Variants in N4BP2L2 observed in about 807,000 individuals in gnomAD.
N4BP2L2 encodes NEDD4-binding protein 2-like 2.
N4BP2L2 carries 50 observed loss-of-function variants against 56.2 expected under a neutral mutation model. The ratio of observed to expected loss-of-function variants is 0.89; its 90% confidence interval spans 0.71 to 1.13. The LOEUF (loss-of-function observed/expected upper bound fraction) is 1.13. Ranked by LOEUF, N4BP2L2 falls within the 50% of genes most tolerant of loss-of-function variation. N4BP2L2 has a pLI of 0.00. For synonymous variants in N4BP2L2, 203 were observed against 223.6 expected, an observed-to-expected ratio of 0.91 and a Z score of 0.82; for missense variants, 689 against 693.8, an observed-to-expected ratio of 0.99 and a Z score of 0.08.
chr13:32,498,975 C>G (rs1593884867), intron 6 of N4BP2L2, among the ~76,000 whole-genome samples: 1 of 102,830 alleles, frequency 9.7e-6, no homozygotes, highest in Admixed American at 1.4e-4. Flanking sequence ...GGTGACAGAG[C>G]AAGACTCTGT....
intron 8 of N4BP2L2, among the ~76,000 whole-genome samples, chr13:32,437,832 A>G (rs1279221535): frequency 6.6e-6 from 1 of 152,208 alleles, no homozygotes; most frequent in Non-Finnish European, 1.5e-5. Context: ...ATTCCTCCAC[A>G]AAGTTAGGGA....
intron 6 of N4BP2L2, among the ~76,000 whole-genome samples, chr13:32,458,384 C>T (rs2079371855): frequency 6.6e-6 from 1 of 152,022 alleles, no homozygotes; most frequent in South Asian, 2.1e-4. Context: ...TTTTAAATTA[C>T]CCAATTACAT....
chr13:32,486,860 G>A lies in N4BP2L2; in HGVS notation c.365+30997C>T, dbSNP rs150746885. The stretch of plus-strand genomic sequence containing the variant: ...TAAAAATACAAAAAATTAGCCAGGC[G>A]TGGTGGCATGCACCTGTAGACCCAG... On this transcript the variant is annotated intron_variant, in intron 6 of 9. Coordinates refer to the N4BP2L2 transcript ENST00000357505. 5.6e-3 allele frequency among the ~76,000 whole-genome samples: 849 copies of A among 152,080 alleles called. 6 individuals carry two copies. Among genetic ancestry groups the A allele is most frequent in the African/African-American group, 0.019 (797 of 41,478 alleles).
chr13:32,507,980 G>A (rs2091218249), downstream of N4BP2L2: 1 of 152,054 alleles, frequency 6.6e-6, no homozygotes, highest in African/African-American at 2.4e-5. Context: ...TAAAATTCAA[G>A]GACCAAGAGG....
intron 8 of N4BP2L2, among the ~76,000 whole-genome samples, chr13:32,437,656 T>C (rs1207659225): frequency 6.6e-6 from 1 of 152,178 alleles, no homozygotes; most frequent in Non-Finnish European, 1.5e-5. Context: ...ATCACAACAA[T>C]AGGAAGGTGC....
chr13:32,490,378 C>T (rs965169932), intron 6 of N4BP2L2, among the ~76,000 whole-genome samples: 2 of 152,146 alleles, frequency 1.3e-5, no homozygotes, highest in African/African-American at 4.8e-5. Context: ...GATCTCGGCT[C>T]ACTGCAACCT....
exon 7 of N4BP2L2, chr13:32,443,482 T>C (rs756753856): frequency 6.2e-7 from 1 of 1,612,978 alleles, no homozygotes; most frequent in Non-Finnish European, 8.5e-7. Flanking sequence ...CACTTGTTCC[T>C]CTCTTAAAAC....
intron 6 of N4BP2L2, chr13:32,480,532 A>G (rs2084418305): frequency 1.0e-6 from 1 of 977,216 alleles, no homozygotes; most frequent in Admixed American, 2.8e-5. Flanking sequence ...ACATAATTTT[A>G]ATCTTAGAAA....
chr13:32,502,747 A>G (rs1350561366), intron 6 of N4BP2L2, among the ~76,000 whole-genome samples: 1 of 152,208 alleles, frequency 6.6e-6, no homozygotes, highest in Non-Finnish European at 1.5e-5. Flanking sequence ...AATCCCTGAT[A>G]CTTCTAAGGG....
intron 2 of N4BP2L2, 41 bp from the exon 3 acceptor site, chr13:32,527,573 C>T (rs751923113): frequency 6.3e-7 from 1 of 1,595,550 alleles, no homozygotes; most frequent in South Asian, 1.1e-5. Flanking sequence ...TTTACAAAAT[C>T]TATAACCATC....
intron 6 of N4BP2L2, among the ~76,000 whole-genome samples, chr13:32,485,322 A>C (rs1275985282): frequency 1.3e-5 from 2 of 152,196 alleles, no homozygotes; most frequent in Non-Finnish European, 2.9e-5. Context: ...CACACACACA[A>C]AAAAGCCCAG....
At chr13:32,500,153 C>T (rs1449544502) in intron 6 of N4BP2L2, among the ~76,000 whole-genome samples, 6 of 152,074 alleles carry the variant, frequency 3.9e-5, no homozygotes, top group Non-Finnish European at 2.9e-5. Flanking sequence ...ACCATAGGCT[C>T]GGTGCCTTAG....
In N4BP2L2 at chr13:32,488,933, C is replaced by T. The variant is rs200964384; in HGVS notation, c.365+28924G>A. 7.2e-5 allele frequency among the ~76,000 whole-genome samples: 11 copies of T among 152,276 alleles called. No individual in the cohort carries two copies. In the East Asian group the frequency reaches 2.1e-3, roughly 29 times the overall value. On this transcript the variant is annotated intron_variant, in intron 6 of 9. Transcript: ENST00000357505. ...AAACTTTGATTAACAAACATAAACT[C>T]ATGGTGGCACACACCTGCAATCTCA...
intron 2 of N4BP2L2, among the ~76,000 whole-genome samples, chr13:32,529,574 C>A (rs1358230968): frequency 2.0e-5 from 3 of 152,094 alleles, no homozygotes; most frequent in African/African-American, 7.2e-5. Context: ...TTGATTGTAA[C>A]TGATCATGTG....
intron 2 of N4BP2L2, among the ~76,000 whole-genome samples, chr13:32,534,619 T>G (rs1025620441): frequency 2.6e-5 from 4 of 152,212 alleles, no homozygotes; most frequent in African/African-American, 9.6e-5. Context: ...TGGAATGAAT[T>G]AATTCATTCA....
chr13:32,495,411 G>A (rs986241371), intron 6 of N4BP2L2, among the ~76,000 whole-genome samples: 24 of 152,042 alleles, frequency 1.6e-4, no homozygotes, highest in African/African-American at 4.6e-4. Flanking sequence ...TAGTACCCAC[G>A]CAGTCAATCC....
chr13:32,515,421 C>T (rs916037322), exon 6 of N4BP2L2: 4 of 134,740 alleles, frequency 3.0e-5, no homozygotes, highest in Admixed American at 1.5e-4. Context: ...ATCCAGCCCA[C>T]GTAGCAGGAC....
At chr13:32,451,469 A>C (rs117478860) in intron 6 of N4BP2L2, among the ~76,000 whole-genome samples, 4,052 of 152,188 alleles carry the variant, frequency 0.027, 79 homozygotes, top group Non-Finnish European at 0.04. Context: ...ACTTTATAAC[A>C]ACAAATTTGA....
At position 32,495,080 on chromosome 13, in the gene N4BP2L2, G is replaced by A. The variant is rs563863898; in HGVS notation, c.365+22777C>T. 6.5e-5 allele frequency among the ~76,000 whole-genome samples: 8 copies of A among 123,638 alleles called. No homozygotes were observed. In the East Asian group the frequency reaches 1.8e-3, roughly 28 times the overall value. 81.1% of individuals were successfully genotyped at this position (123,638 alleles called of 152,430 possible). On this transcript the variant is annotated intron_variant, in intron 6 of 9. Transcript: ENST00000357505. ...TAGCTCCAGCGAATACAATCTCTCT[G>A]GGACTCTACCTATCCCAGAAAAAAA... is the stretch of plus-strand genomic sequence containing the variant.
Sources: gnomAD v4.1 joint callset for allele counts (sites outside exome capture counted in the v4.1 genomes callset) on GRCh38, gnomAD v4.1.1 for gene constraint, MANE v1.5 for transcripts, NCBI Gene and HGNC (gene_info 2026-07-23, HGNC 2026-07-21) for gene names.